Variants in SGCZ observed in about 807,000 individuals in gnomAD.
The protein encoded by SGCZ is zeta-sarcoglycan.
A neutral mutation model predicts 41.3 loss-of-function variants in SGCZ; 40 were observed. That is an observed-to-expected ratio of 0.97 (90% CI 0.75 to 1.26). The LOEUF is 1.26. Among genes scored for constraint, SGCZ ranks in the 50% most tolerant of loss-of-function variants. The probability of loss-of-function intolerance (pLI) is 0.00; values close to 1 mark genes in which losing one functional copy is unlikely to be tolerated. For synonymous variants in SGCZ, 206 were observed against 137.5 expected (o/e 1.50, Z -3.49); for missense variants, 552 against 369.8 (o/e 1.49, Z -4.04).
intron 2 of SGCZ, among the ~76,000 whole-genome samples, chr8:14,479,751 T>TCTTTTTC (rs1801478320): frequency 1.1e-5 from 1 of 91,932 alleles, no homozygotes; most frequent in Non-Finnish European, 2.7e-5. Flanking sequence ...TTTTTTTTTT[T>TCTTTTTC]TTTTTTTTTT....
At chr8:14,821,221 G>A (rs867618842) in intron 1 of SGCZ, among the ~76,000 whole-genome samples, 1 of 151,852 alleles carries the variant, frequency 6.6e-6, no homozygotes, top group African/African-American at 2.4e-5. Flanking sequence ...TAGCACAGAA[G>A]AATCAGTTAC....
intron 1 of SGCZ, among the ~76,000 whole-genome samples, chr8:15,015,213 A>G (rs1162762536): frequency 2.0e-5 from 3 of 152,076 alleles, no homozygotes; most frequent in African/African-American, 7.2e-5. Context: ...ACTGCACTCC[A>G]GCCTGAGAAA....
At chr8:14,354,592 T>C (rs1803226106) in intron 2 of SGCZ, among the ~76,000 whole-genome samples, 1 of 151,436 alleles carries the variant, frequency 6.6e-6, no homozygotes, top group Non-Finnish European at 1.5e-5. Flanking sequence ...AATACAAGAG[T>C]AAACTAGAGA....
At chr8:14,384,260 C>G (rs1804485746) in intron 2 of SGCZ, among the ~76,000 whole-genome samples, 1 of 152,034 alleles carries the variant, frequency 6.6e-6, no homozygotes, top group African/African-American at 2.4e-5. Flanking sequence ...ATGATGGTTT[C>G]CAGCTTCATC....
intron 4 of SGCZ, among the ~76,000 whole-genome samples, chr8:14,222,272 G>A (rs1806223201): frequency 6.6e-6 from 1 of 151,812 alleles, no homozygotes; most frequent in Non-Finnish European, 1.5e-5. Flanking sequence ...CCGGGTTCAA[G>A]CAATTATCTG....
At chr8:14,476,952 G>T (rs997482910) in intron 2 of SGCZ, among the ~76,000 whole-genome samples, 6 of 152,118 alleles carry the variant, frequency 3.9e-5, no homozygotes, top group African/African-American at 1.4e-4. Flanking sequence ...AGGTACAAAA[G>T]CAGGCTGTAA....
At chr8:14,636,308 C>A (rs1420495251) in intron 1 of SGCZ, among the ~76,000 whole-genome samples, 1 of 151,732 alleles carries the variant, frequency 6.6e-6, no homozygotes, top group African/African-American at 2.4e-5. Flanking sequence ...TAAAATGATT[C>A]CACTTCACTT....
At chr8:15,172,787 T>G (rs1197754927) in intron 1 of SGCZ, among the ~76,000 whole-genome samples, 1 of 152,168 alleles carries the variant, frequency 6.6e-6, no homozygotes, top group Non-Finnish European at 1.5e-5. Context: ...TTGGCAAAAG[T>G]AGATACTTTA....
intron 1 of SGCZ, among the ~76,000 whole-genome samples, chr8:14,871,575 A>G (rs115191084): frequency 0.023 from 3,567 of 152,012 alleles, 52 homozygotes; most frequent in Middle Eastern, 0.048. Flanking sequence ...GGAGGCTAAG[A>G]TGGGAGGTTC....
At chr8:14,210,250 G>T (rs531964473) in intron 4 of SGCZ, among the ~76,000 whole-genome samples, 1 of 151,980 alleles carries the variant, frequency 6.6e-6, no homozygotes, top group East Asian at 1.9e-4. Flanking sequence ...GTAGGGAAAG[G>T]GTTTTACAAT....
rs966059158 is a variant in SGCZ at position 14,711,698 on chromosome 8, T to C, written c.40-156772A>G. Among the ~76,000 whole-genome samples the C allele has an allele frequency of 4.6e-5, 7 of 151,992 alleles. 1 individual carries two copies. The highest frequency in any genetic ancestry group is 1.7e-4 in the African/African-American group (7 of 41,474). ...CATATGTAATAAGTCATATTTACCATGTAGCATTAGTGTTAATAGTCCTTT... is the reference window on the plus strand; with the variant it reads ...CATATGTAATAAGTCATATTTACCACGTAGCATTAGTGTTAATAGTCCTTT... On this transcript the variant is annotated intron_variant, in intron 1 of 7. Coordinates refer to ENST00000382080, the MANE Select transcript of SGCZ (RefSeq NM_139167.4).
intron 2 of SGCZ, among the ~76,000 whole-genome samples, chr8:14,509,598 G>C (rs978953608): frequency 1.3e-4 from 20 of 152,140 alleles, no homozygotes; most frequent in African/African-American, 4.6e-4. Context: ...TTTCGCACCA[G>C]AAGAACATGA....
At chr8:14,222,058 C>A (rs1477591835) in intron 4 of SGCZ, among the ~76,000 whole-genome samples, 1 of 152,126 alleles carries the variant, frequency 6.6e-6, no homozygotes, top group Non-Finnish European at 1.5e-5. Flanking sequence ...ACTGAAAGGG[C>A]TATTGCCACC....
chr8:14,536,678 C>G (rs1803307142), intron 2 of SGCZ, among the ~76,000 whole-genome samples: 1 of 151,692 alleles, frequency 6.6e-6, no homozygotes, highest in Non-Finnish European at 1.5e-5. Flanking sequence ...TCCTTTGACC[C>G]TGGTATATGC....
chr8:14,137,336 G>A (rs1172119644), intron 5 of SGCZ, among the ~76,000 whole-genome samples: 1 of 152,236 alleles, frequency 6.6e-6, no homozygotes, highest in Non-Finnish European at 1.5e-5. Context: ...ACTTTGTCAA[G>A]TTGACAGAAG....
At chr8:14,289,066 T>C (rs1800749998) in intron 3 of SGCZ, among the ~76,000 whole-genome samples, 2 of 152,298 alleles carry the variant, frequency 1.3e-5, no homozygotes, top group South Asian at 4.1e-4. Flanking sequence ...TATCTATTCG[T>C]ATATCTTCTT....
intron 1 of SGCZ, among the ~76,000 whole-genome samples, chr8:14,598,608 G>C (rs2117305564): frequency 1.3e-5 from 2 of 151,806 alleles, no homozygotes; most frequent in African/African-American, 4.8e-5. Context: ...GCTCACTGCA[G>C]ACTCGACCCC....
chr8:14,600,978 T>C (rs1805572421), intron 1 of SGCZ, among the ~76,000 whole-genome samples: 1 of 151,274 alleles, frequency 6.6e-6, no homozygotes, highest in African/African-American at 2.4e-5. Context: ...TTCCTTATAC[T>C]TTTAATGCAT....
chr8:14,206,979 G>A (rs908260832), intron 4 of SGCZ, among the ~76,000 whole-genome samples: 2 of 152,118 alleles, frequency 1.3e-5, no homozygotes, highest in African/African-American at 2.4e-5. Context: ...ATGGACCCCT[G>A]AGGTTCCGTC....
Sources: allele counts gnomAD v4.1 joint callset (sites outside exome capture counted in the v4.1 genomes callset), GRCh38; gene constraint gnomAD v4.1.1; transcripts MANE v1.5; gene names NCBI Gene and HGNC (gene_info 2026-07-23, HGNC 2026-07-21).